The following TCF23 variants were observed in gnomAD, a reference collection of about 807,000 sequenced individuals.
The protein encoded by TCF23 is class A basic helix-loop-helix protein 24.
Under a neutral mutation model 13.0 loss-of-function variants are expected in TCF23, and 7 were observed. The observed-to-expected ratio is 0.54, with a 90% CI of 0.31 to 1.01. The LOEUF is 1.01. Ranked by LOEUF, TCF23 falls within the 50% of genes least tolerant of loss-of-function variation. The pLI, the probability that TCF23 is intolerant of heterozygous loss-of-function variation, is 0.06. For missense variants in TCF23, 257 were observed against 289.8 expected, an observed-to-expected ratio of 0.89 and a Z score of 0.82; for synonymous variants, 122 against 119.5, an observed-to-expected ratio of 1.02 and a Z score of -0.14.
intron 2 of TCF23, among the ~76,000 whole-genome samples, chr2:27,151,308 C>G (rs1672757443): frequency 6.6e-6 from 1 of 151,986 alleles, no homozygotes; most frequent in African/African-American, 2.4e-5. Context: ...GTGGTATCAA[C>G]TTTTTTATTT....
In TCF23 at chr2:27,156,913, G is replaced by C. The variant is rs1672845210; in HGVS notation, c.*4046G>C. On this transcript the variant is annotated 3_prime_UTR_variant, in exon 3 of 3. Coordinates refer to ENST00000296096, the MANE Select transcript of TCF23 (RefSeq NM_175769.3). ...GATCAAGGTAGGCAAACTATGGCCA[G>C]TGGGCCAAACCCAGCCCCCCATGTA... The C allele has an allele frequency of 6.6e-6, 1 of 152,306 alleles. No homozygotes were observed. The highest frequency in any genetic ancestry group is 2.1e-4 in the South Asian group (1 of 4,834). 9.4% of individuals were successfully genotyped at this position (152,306 alleles called of 1,614,324 possible).
At position 27,152,746 on chromosome 2, in the gene TCF23, C is replaced by G. The variant is rs747321212; in HGVS notation, c.524C>G (p.Ser175Cys). The change falls in exon 3 of 3, where the codon TCC becomes TGC. Residue 175 changes from serine to cysteine, a missense_variant. By Grantham distance (112) the Ser-to-Cys change is moderately radical. Transcript: ENST00000296096. The part of the protein sequence containing the change: ...AGGLGYSDLD[S>C]TTASTPSQRT... ...GGCCTGGGGTACTCCGATCTTGACT[C>G]CACCACAGCCAGCACCCCCAGCCAA... 1.4e-5 allele frequency: 23 copies of G among 1,614,018 alleles called. No individual in the cohort carries two copies. The highest frequency in any genetic ancestry group is 3.3e-5 in the Admixed American group (2 of 60,002).
At position 27,150,541 on chromosome 2, in the gene TCF23, C is replaced by G. The variant is rs1267467668; in HGVS notation, c.465+176C>G. 6.6e-6 allele frequency among the ~76,000 whole-genome samples: 1 copy of G among 152,168 alleles called. No homozygotes were observed. Among genetic ancestry groups the G allele is most frequent in the Non-Finnish European group, 1.5e-5 (1 of 68,018 alleles). ...GAGGAGCCAAGGCTGACCCTTGGGG[C>G]TGCGCTGACCCTGGGTTTCTCATGG... On this transcript the variant is annotated intron_variant, in intron 2 of 2. Coordinates refer to ENST00000296096, the MANE Select transcript of TCF23 (RefSeq NM_175769.3). The surrounding 1 kb of genome is among the most constrained non-coding windows in gnomAD (Gnocchi z 4.1).
chr2:27,152,939 A>T lies in TCF23; in HGVS notation c.*72A>T. On this transcript the variant is annotated 3_prime_UTR_variant, in exon 3 of 3. Transcript: ENST00000296096. ...GCCTGGATTTTCTACCAGCCCCCAG[A>T]TTCTCAGCCATCAGACTTGACTCAG... 2.6e-6 allele frequency: 4 copies of T among 1,552,170 alleles called. No individual in the cohort carries two copies. The highest frequency in any genetic ancestry group is 3.5e-6 in the Non-Finnish European group (4 of 1,148,530).
chr2:27,150,484 C>A lies in TCF23; in HGVS notation c.465+119C>A. On this transcript the variant is annotated intron_variant, in intron 2 of 2. Transcript: ENST00000296096. This position sits in a 1 kb window ranked among gnomAD's most constrained non-coding sequence, Gnocchi z 4.1. ...CCCCTGCCCTGTGCAGAACTGACGT[C>A]GGAGCCAATTTCTCCTGCTGTCTCA... is the stretch of plus-strand genomic sequence containing the variant. The A allele has an allele frequency of 6.7e-7, 1 of 1,496,182 alleles. No individual in the cohort carries two copies. Among genetic ancestry groups the A allele is most frequent in the Non-Finnish European group, 9.0e-7 (1 of 1,109,046 alleles). 92.7% of individuals were successfully genotyped at this position (1,496,182 alleles called of 1,614,324 possible).
At chr2:27,151,696 C>T (rs1314527346) in intron 2 of TCF23, among the ~76,000 whole-genome samples, 4 of 152,052 alleles carry the variant, frequency 2.6e-5, no homozygotes, top group Admixed American at 6.6e-5. Flanking sequence ...AGTGCAGTAG[C>T]GCAATCATAG....
Position 27,152,953 on chromosome 2 carries a change from G to C in TCF23, c.*86G>C. On this transcript the variant is annotated 3_prime_UTR_variant, in exon 3 of 3. Transcript: ENST00000296096. ...CCAGCCCCCAGATTCTCAGCCATCA[G>C]ACTTGACTCAGACTCAGCTCCCAAG... The C allele has an allele frequency of 6.5e-7, 1 of 1,543,778 alleles. No individual in the cohort carries two copies. Among genetic ancestry groups the C allele is most frequent in the Non-Finnish European group, 8.7e-7 (1 of 1,145,636 alleles).
In TCF23 at chr2:27,150,483, T is replaced by A; in HGVS notation, c.465+118T>A. 2 of 1,497,912 alleles carry A rather than the reference T, an allele frequency of 1.3e-6. No individual in the cohort carries two copies. Among genetic ancestry groups the A allele is most frequent in the Non-Finnish European group, 1.8e-6 (2 of 1,110,352 alleles). The allele number at this position is 1,497,912 out of a possible 1,614,324, so 92.8% of individuals were successfully genotyped here. A position where few individuals can be genotyped will look rare whatever the true frequency, so the allele number is the denominator to read the frequency against. On this transcript the variant is annotated intron_variant, in intron 2 of 2. Transcript: ENST00000296096. The surrounding 1 kb of genome is among the most constrained non-coding windows in gnomAD (Gnocchi z 4.1). ...CCCCCTGCCCTGTGCAGAACTGACG[T>A]CGGAGCCAATTTCTCCTGCTGTCTC...
In TCF23 at chr2:27,156,668, G is replaced by A. The variant is rs563714087; in HGVS notation, c.*3801G>A. On this transcript the variant is annotated 3_prime_UTR_variant, in exon 3 of 3. Transcript: ENST00000296096. Reference sequence around the variant, plus strand: ...CCCAAAGTGCTGGGATTACAGGCATGAGCCACCGCACCCGGCTGGCCCAGT... The same window carrying A: ...CCCAAAGTGCTGGGATTACAGGCATAAGCCACCGCACCCGGCTGGCCCAGT... The A allele has an allele frequency of 6.6e-6, 1 of 151,628 alleles. No homozygotes were observed. Among genetic ancestry groups the A allele is most frequent in the East Asian group, 2.0e-4 (1 of 5,106 alleles). 9.4% of individuals were successfully genotyped at this position (151,628 alleles called of 1,614,324 possible).
rs1484195371 is a variant in TCF23 at position 27,155,208 on chromosome 2, G to C, written c.*2341G>C. 1 of 152,396 alleles carries C rather than the reference G, an allele frequency of 6.6e-6. No homozygotes were observed. The highest frequency in any genetic ancestry group is 1.5e-5 in the Non-Finnish European group (1 of 68,252). 9.4% of individuals were successfully genotyped at this position (152,396 alleles called of 1,614,324 possible). ...TCTCCTTTGTGCCCAGGACAGTCGA[G>C]GGGGGTGGGGCAGAGGCCATCTCCT... On this transcript the variant is annotated 3_prime_UTR_variant, in exon 3 of 3. Coordinates refer to ENST00000296096, the MANE Select transcript of TCF23 (RefSeq NM_175769.3).
In TCF23 at chr2:27,156,873, G is replaced by A. The variant is rs987085273; in HGVS notation, c.*4006G>A. 9 of 152,238 alleles carry A rather than the reference G, an allele frequency of 5.9e-5. No homozygotes were observed. Among genetic ancestry groups the A allele is most frequent in the Admixed American group, 1.3e-4 (2 of 15,288 alleles). The allele number at this position is 152,238 out of a possible 1,614,324, so 9.4% of individuals were successfully genotyped here. On this transcript the variant is annotated 3_prime_UTR_variant, in exon 3 of 3. Transcript: ENST00000296096. ...AGCCCTAAACCCAGGGCCCCTAAAA[G>A]CTTATTCTATTCTAGATCAAGGTAG...
Position 27,150,109 on chromosome 2 carries a change from G to A in TCF23, c.223-14G>A. Reference sequence around the variant, plus strand: ...AGTCCAGGTCACACACACTCACTGGGGCCCTCTGTGCAGAGCGAGGCCAGT... The same window carrying A: ...AGTCCAGGTCACACACACTCACTGGAGCCCTCTGTGCAGAGCGAGGCCAGT... On this transcript the variant is annotated splice_polypyrimidine_tract_variant and intron_variant, in intron 1 of 2. Coordinates refer to ENST00000296096, the MANE Select transcript of TCF23 (RefSeq NM_175769.3). This position sits in a 1 kb window ranked among gnomAD's most constrained non-coding sequence, Gnocchi z 4.1. 6.3e-7 allele frequency: 1 copy of A among 1,590,006 alleles called. No homozygotes were observed. The highest frequency in any genetic ancestry group is 1.1e-5 in the South Asian group (1 of 90,570).
rs946266916 is a variant in TCF23 at position 27,152,735 on chromosome 2, C to G, written c.513C>G (p.Ser171=). Residue 171 remains serine, a synonymous_variant, in exon 3 of 3, where the codon TCC becomes TCG. Transcript: ENST00000296096. ...TCTATGCTGGAGGCCTGGGGTACTC[C>G]GATCTTGACTCCACCACAGCCAGCA... The part of the protein sequence containing the change: ...SRLYAGGLGY[S]DLDSTTASTP... The G allele has an allele frequency of 1.2e-6, 2 of 1,614,084 alleles. No homozygotes were observed. Among genetic ancestry groups the G allele is most frequent in the African/African-American group, 2.7e-5 (2 of 74,988 alleles).
At chr2:27,151,829 C>T (rs1449239466) in intron 2 of TCF23, among the ~76,000 whole-genome samples, 3 of 149,512 alleles carry the variant, frequency 2.0e-5, no homozygotes, top group Non-Finnish European at 3.0e-5. Flanking sequence ...TTTGTAGAGA[C>T]GGGGTCTCAC....
rs1261043627 is a variant in TCF23, at chr2:27,149,176, G to A, written c.43G>A (p.Val15Met). The change falls in exon 1 of 3, where the codon GTG becomes ATG. Residue 15 changes from valine (V) to methionine (M), a missense_variant. Val to Met is a conservative substitution (Grantham distance 21, BLOSUM62 1). Transcript: ENST00000296096. ...CAGAGGGCCACCAGCCATGCCAGGG[G>A]TGGGGCATAGCCAGACTCAGGCCAA... The part of the protein sequence containing the change: ...KARGPPAMPG[V>M]GHSQTQAKAR... 6 of 1,551,364 alleles carry A rather than the reference G, an allele frequency of 3.9e-6. No individual in the cohort carries two copies. Among genetic ancestry groups the A allele is most frequent in the African/African-American group, 1.4e-5 (1 of 73,082 alleles).
Position 27,153,044 on chromosome 2 carries a change from G to A in TCF23, c.*177G>A. On this transcript the variant is annotated 3_prime_UTR_variant, in exon 3 of 3. Transcript: ENST00000296096. ...ATGGACAGTACCTAGAGGGGCACAG[G>A]TTGGAGAGCCTCCTCCTTGGTCCCC... is the stretch of plus-strand genomic sequence containing the variant. 1 of 1,363,820 alleles carries A rather than the reference G, an allele frequency of 7.3e-7. No homozygotes were observed. The highest frequency in any genetic ancestry group is 9.5e-7 in the Non-Finnish European group (1 of 1,056,374). 84.5% of individuals were successfully genotyped at this position (1,363,820 alleles called of 1,614,324 possible).
intron 1 of TCF23, 156 bp from the exon 2 acceptor site, chr2:27,149,967 G>C (rs1297248870): frequency 7.8e-7 from 1 of 1,277,638 alleles, no homozygotes; most frequent in East Asian, 2.4e-5. Context: ...TGTGAAACGC[G>C]GCAGGGCTGC....
At position 27,149,119 on chromosome 2, in the gene TCF23, C is replaced by A. The variant is rs778399207; in HGVS notation, c.-15C>A. On this transcript the variant is annotated 5_prime_UTR_variant, in exon 1 of 3. Coordinates refer to ENST00000296096, the MANE Select transcript of TCF23 (RefSeq NM_175769.3). ...TGTGTTTCTGCTCTGTGGGCTGCAG[C>A]CCCAGTGGGGTGGCATGTCACAGAG... The A allele has an allele frequency of 3.2e-6, 5 of 1,548,512 alleles. No individual in the cohort carries two copies. In the African/African-American group the frequency reaches 6.9e-5, roughly 21 times the overall value.
chr2:27,152,151 A>C (rs1410053805), intron 2 of TCF23, among the ~76,000 whole-genome samples: 1 of 152,204 alleles, frequency 6.6e-6, no homozygotes, highest in Non-Finnish European at 1.5e-5. Flanking sequence ...AGAATGAACC[A>C]ATGAGGGCCC....
Sources: allele counts gnomAD v4.1 joint callset (sites outside exome capture counted in the v4.1 genomes callset), GRCh38; gene constraint gnomAD v4.1.1; non-coding constraint Gnocchi (gnomAD v3.1); transcripts MANE v1.5; gene names NCBI Gene and HGNC (gene_info 2026-07-23, HGNC 2026-07-21).